NAALADL2: variants seen among roughly 807,000 people sequenced by gnomAD.
NAALADL2 encodes inactive N-acetylated-alpha-linked acidic dipeptidase-like protein 2.
NAALADL2 carries 76 observed loss-of-function variants against 87.2 expected under a neutral mutation model. The observed-to-expected ratio is 0.87, with a 90% confidence interval of 0.72 to 1.05. The LOEUF (loss-of-function observed/expected upper bound fraction) is 1.05, where lower values mean the gene tolerates loss of function less well. NAALADL2 is among the 50% of genes least tolerant of loss of function. The pLI, the probability that NAALADL2 is intolerant of heterozygous loss-of-function variation, is 0.00. For missense variants in NAALADL2, 1,089 were observed against 945.8 expected, an observed-to-expected ratio of 1.15 and a Z score of -1.99; for synonymous variants, 354 against 331.0, an observed-to-expected ratio of 1.07 and a Z score of -0.75.
intron 5 of NAALADL2, among the ~76,000 whole-genome samples, chr3:175,363,284 G>A (rs531843305): frequency 6.8e-6 from 1 of 147,366 alleles, no homozygotes; most frequent in Non-Finnish European, 1.5e-5. Context: ...GTTCTTTCAA[G>A]TTGTTTTCTT....
chr3:174,672,341 T>A (rs1006666044), intron 2 of NAALADL2, among the ~76,000 whole-genome samples: 10 of 152,072 alleles, frequency 6.6e-5, no homozygotes, highest in African/African-American at 2.4e-4. Context: ...GCACTCACTT[T>A]GCCAAAAGAT....
Position 175,576,063 on chromosome 3 carries a change from G to C in NAALADL2, c.1676G>C (p.Arg559Thr). Residue 559 changes from arginine (R) to threonine (T), a missense_variant, in exon 10 of 14, where the codon AGA (arginine) becomes ACA (threonine). Transcript: ENST00000454872. The stretch of plus-strand genomic sequence containing the variant: ...CAGAAAAATAATTTCAACTGTACCA[G>C]AAGAGCCCAGTGCCCAGAAACCAAT... The part of the protein sequence containing the change: ...VVEKNNFNCT[R>T]RAQCPETNIS... The C allele has an allele frequency of 6.8e-6, 11 of 1,611,996 alleles. No homozygotes were observed. The highest frequency in any genetic ancestry group is 8.5e-6 in the Non-Finnish European group (10 of 1,179,106).
intron 2 of NAALADL2, among the ~76,000 whole-genome samples, chr3:174,668,744 C>T (rs1417662451): frequency 2.0e-5 from 3 of 152,192 alleles, no homozygotes; most frequent in Admixed American, 2.0e-4. Context: ...CTACAAAGGA[C>T]ATGAACTCAT....
intron 5 of NAALADL2, among the ~76,000 whole-genome samples, chr3:175,344,999 C>T (rs1762976590): frequency 6.6e-6 from 1 of 151,930 alleles, no homozygotes; most frequent in African/African-American, 2.4e-5. Context: ...TACCCCAAAT[C>T]ATACAGATGA....
intron 3 of NAALADL2, among the ~76,000 whole-genome samples, chr3:175,248,601 A>C (rs1341667022): frequency 6.6e-6 from 1 of 152,104 alleles, no homozygotes; most frequent in African/African-American, 2.4e-5. Flanking sequence ...TTGGATATAT[A>C]CACATATTCA....
rs184613548 is a variant in NAALADL2 at position 175,006,043 on chromosome 3, A to C, written c.44-90747A>C. 4.6e-5 allele frequency among the ~76,000 whole-genome samples: 7 copies of C among 152,284 alleles called. No homozygotes were observed. The East Asian group carries it at 1.4e-3, about 29-fold the overall frequency. The stretch of plus-strand genomic sequence containing the variant: ...CCTTAAATACCTCCTATTGAACTGA[A>C]ATGAAATCTGTGCTTCAAGCTTGCC... On this transcript the variant is annotated intron_variant, in intron 1 of 13. Transcript: ENST00000454872.
intron 3 of NAALADL2, among the ~76,000 whole-genome samples, chr3:174,792,054 AAAAC>A (rs202137341): frequency 0.023 from 3,476 of 152,164 alleles, 59 homozygotes; most frequent in South Asian, 0.034. Context: ...ACTAAAACAA[AAAAC>A]AAACAAACAA....
At chr3:174,827,022 T>A (rs1287481864) in intron 3 of NAALADL2, among the ~76,000 whole-genome samples, 2 of 152,204 alleles carry the variant, frequency 1.3e-5, no homozygotes, top group Non-Finnish European at 2.9e-5. Context: ...GATATGTTCA[T>A]AGCCTAAAAT....
At chr3:175,641,775 T>C (rs1001910788) in intron 11 of NAALADL2, among the ~76,000 whole-genome samples, 1 of 152,170 alleles carries the variant, frequency 6.6e-6, no homozygotes, top group Non-Finnish European at 1.5e-5. Context: ...ATTTTGTAGA[T>C]TATTAAAAAT....
Position 175,234,028 on chromosome 3 carries a change from G to A in NAALADL2, c.643G>A (p.Val215Ile), listed in dbSNP as rs1470496668. ...TSLGLEDVQFVNYSVLLDLPG... is the reference protein window; with the variant it reads ...TSLGLEDVQFINYSVLLDLPG... ...TTTGGGCCTAGAAGATGTACAGTTT[G>A]TAAATTACTCTGTGCTGCTTGATCT... The change falls in exon 3 of 14, where the codon GTA becomes ATA. Residue 215 changes from valine to isoleucine, a missense_variant. By Grantham distance (29) the Val-to-Ile change is conservative. Transcript: ENST00000454872. The A allele has an allele frequency of 1.9e-6, 3 of 1,613,886 alleles. No homozygotes were observed. The East Asian group carries it at 6.7e-5, about 36-fold the overall frequency.
At chr3:175,021,684 A>T (rs9835639) in intron 1 of NAALADL2, among the ~76,000 whole-genome samples, 3 of 151,874 alleles carry the variant, frequency 2.0e-5, no homozygotes, top group African/African-American at 7.3e-5. Flanking sequence ...GCCTTTTATA[A>T]CTTTTTGCTT....
intron 2 of NAALADL2, among the ~76,000 whole-genome samples, chr3:174,604,407 G>C (rs923936042): frequency 1.3e-5 from 2 of 151,836 alleles, no homozygotes; most frequent in Middle Eastern, 6.3e-3. Flanking sequence ...ATTTCCATTG[G>C]AATGGAATAT....
intron 3 of NAALADL2, among the ~76,000 whole-genome samples, chr3:175,247,287 C>CACACACACACAT (rs3066299): frequency 5.3e-5 from 8 of 151,278 alleles, no homozygotes; most frequent in African/African-American, 1.9e-4. Flanking sequence ...CACACACACA[C>CACACACACACAT]ATAAAACACA....
intron 2 of NAALADL2, among the ~76,000 whole-genome samples, chr3:174,585,221 G>A (rs1716572776): frequency 6.6e-6 from 1 of 152,056 alleles, no homozygotes; most frequent in Admixed American, 6.6e-5. Context: ...CATTTGTGGA[G>A]TTTTGAAAAA....
At position 174,672,613 on chromosome 3, in the gene NAALADL2, A is replaced by G. The variant is rs1726668423; in HGVS notation, c.-114-65028A>G. Among the ~76,000 whole-genome samples the G allele has an allele frequency of 4.6e-5, 7 of 152,126 alleles. No homozygotes were observed. In the South Asian group the frequency reaches 1.4e-3, roughly 31 times the overall value. On this transcript the variant is annotated intron_variant, in intron 2 of 3. Transcript: ENST00000434257. ...CGAAATACTTTCTAATGAGAAGTAG[A>G]ATAGGAAGTGTCAGGGAGCACAGTT...
At chr3:175,065,295 A>C (rs1714347712) in intron 1 of NAALADL2, among the ~76,000 whole-genome samples, 1 of 152,196 alleles carries the variant, frequency 6.6e-6, no homozygotes, top group Non-Finnish European at 1.5e-5. Context: ...CTTACTATAA[A>C]TCACTGGGAA....
intron 2 of NAALADL2, among the ~76,000 whole-genome samples, chr3:174,652,577 A>C (rs1724480033): frequency 6.7e-6 from 1 of 148,734 alleles, no homozygotes; most frequent in South Asian, 2.1e-4. Context: ...CGTGAAACTT[A>C]TTCACTATCA....
At chr3:174,927,896 T>C (rs1736317045) in intron 1 of NAALADL2, among the ~76,000 whole-genome samples, 1 of 152,142 alleles carries the variant, frequency 6.6e-6, no homozygotes, top group Admixed American at 6.5e-5. Context: ...CAAAAAACCC[T>C]TCAAAAAATC....
chr3:174,748,342 T>TA (rs60675514), intron 3 of NAALADL2, among the ~76,000 whole-genome samples: 45,419 of 149,276 alleles, frequency 0.3, 7,105 homozygotes, highest in Non-Finnish European at 0.35. Flanking sequence ...TTTTTTTTTT[T>TA]AAAAAGAGGC....
Sources: allele counts gnomAD v4.1 joint callset (sites outside exome capture counted in the v4.1 genomes callset), GRCh38; gene constraint gnomAD v4.1.1; transcripts MANE v1.5; gene names NCBI Gene and HGNC (gene_info 2026-07-23, HGNC 2026-07-21).